L3MBTL4: variants seen among roughly 807,000 people sequenced by gnomAD.
L3MBTL4 encodes the protein L3MBTL histone methyl-lysine binding protein 4.
In L3MBTL4, 70 loss-of-function variants were observed where a neutral mutation model predicts 84.5. The observed-to-expected ratio is 0.83, with a 90% CI of 0.68 to 1.01. The LOEUF (loss-of-function observed/expected upper bound fraction) is 1.01, where lower values mean the gene tolerates loss of function less well. Among genes scored for constraint, L3MBTL4 ranks in the 50% least tolerant of loss-of-function variants. The pLI is 0.00. For synonymous variants in L3MBTL4, 274 were observed against 259.8 expected (o/e 1.05, Z -0.52); for missense variants, 715 against 754.8 (o/e 0.95, Z 0.62).
intron 14 of L3MBTL4, among the ~76,000 whole-genome samples, chr18:6,100,319 T>C (rs909182967): frequency 6.6e-6 from 1 of 152,238 alleles, no homozygotes; most frequent in Non-Finnish European, 1.5e-5. Context: ...ATTGTGGTTA[T>C]TGTATTTTTC....
chr18:6,025,731 G>C (rs1282067663), intron 16 of L3MBTL4, among the ~76,000 whole-genome samples: 1 of 152,168 alleles, frequency 6.6e-6, no homozygotes, highest in Non-Finnish European at 1.5e-5. Flanking sequence ...AGGCATTAGA[G>C]TCCCATATGG....
chr18:5,968,360 C>T (rs769427333), intron 17 of L3MBTL4, among the ~76,000 whole-genome samples: 1 of 152,138 alleles, frequency 6.6e-6, no homozygotes, highest in Non-Finnish European at 1.5e-5. Context: ...AGCATTTCTA[C>T]AGCATTATTG....
Position 6,063,330 on chromosome 18 carries a change from T to A in L3MBTL4, c.1444+17551A>T, listed in dbSNP as rs187023571. ...GTGTGTGTGTGTGTGTGTGTGTGTG[T>A]GTGTGTGTATCTTTTTAATATAATG... On this transcript the variant is annotated intron_variant, in intron 16 of 18. Transcript: ENST00000317931. Among the ~76,000 whole-genome samples, 57 of 151,640 alleles carry A rather than the reference T, an allele frequency of 3.8e-4. 1 individual carries two copies. In the East Asian group the frequency reaches 0.01, roughly 27 times the overall value.
intron 13 of L3MBTL4, among the ~76,000 whole-genome samples, chr18:6,169,597 C>T (rs1049068940): frequency 3.6e-4 from 52 of 146,430 alleles, no homozygotes; most frequent in Non-Finnish European, 7.4e-4. Flanking sequence ...CCAAACACCG[C>T]ATGTTCTCAC....
chr18:6,150,424 TACACACAC>T (rs111558666), intron 13 of L3MBTL4, among the ~76,000 whole-genome samples: 3 of 149,316 alleles, frequency 2.0e-5, no homozygotes, highest in Non-Finnish European at 4.5e-5. Flanking sequence ...TGTTTGAGAA[TACACACAC>T]ACACACACAC....
intron 1 of L3MBTL4, among the ~76,000 whole-genome samples, chr18:6,376,899 C>A (rs2054392125): frequency 6.6e-6 from 1 of 152,168 alleles, no homozygotes; most frequent in Admixed American, 6.5e-5. Context: ...TTTGTCCTCT[C>A]CTGCCCTCAC....
At chr18:6,120,808 C>T (rs1344582879) in intron 14 of L3MBTL4, among the ~76,000 whole-genome samples, 7 of 152,194 alleles carry the variant, frequency 4.6e-5, no homozygotes, top group Non-Finnish European at 8.8e-5. Flanking sequence ...TAGAGCCACT[C>T]ATTCTCAATG....
At chr18:6,235,293 A>G (rs1426847202) in intron 10 of L3MBTL4, among the ~76,000 whole-genome samples, 2 of 152,214 alleles carry the variant, frequency 1.3e-5, no homozygotes, top group Non-Finnish European at 2.9e-5. Context: ...CATTGTGCAC[A>G]TGTACCCTAG....
At chr18:6,031,166 C>T in intron 16 of L3MBTL4, 2 of 985,414 alleles carry the variant, frequency 2.0e-6, no homozygotes, top group Non-Finnish European at 2.4e-6. Flanking sequence ...ATTTATGCTC[C>T]TCTCCCTCCT....
At chr18:6,053,033 T>C (rs1230676406) in intron 16 of L3MBTL4, among the ~76,000 whole-genome samples, 8 of 152,330 alleles carry the variant, frequency 5.3e-5, no homozygotes, top group East Asian at 1.9e-4. Context: ...TAAACAAACG[T>C]TGATTATCAA....
At chr18:6,360,768 C>T (rs1299695822) in intron 1 of L3MBTL4, among the ~76,000 whole-genome samples, 2 of 151,824 alleles carry the variant, frequency 1.3e-5, no homozygotes, top group African/African-American at 2.4e-5. Flanking sequence ...GGCAAATGAA[C>T]TGCTTGAGGC....
At chr18:6,093,680 T>C (rs1183623309) in intron 14 of L3MBTL4, 152 bp from the exon 15 acceptor site, 1 of 604,762 alleles carries the variant, frequency 1.7e-6, no homozygotes, top group Non-Finnish European at 2.5e-6. Flanking sequence ...TTTCTTTTCA[T>C]ATTGCCTTTT....
chr18:5,969,307 CA>C (rs1315319749), intron 17 of L3MBTL4, 85 bp downstream of exon 17: 1 of 1,456,392 alleles, frequency 6.9e-7, no homozygotes, highest in African/African-American at 1.4e-5. Flanking sequence ...CTGTCCCAGA[CA>C]TCAAAGAATG....
chr18:6,318,843 C>T (rs540092637), intron 1 of L3MBTL4, among the ~76,000 whole-genome samples: 1 of 152,188 alleles, frequency 6.6e-6, no homozygotes, highest in East Asian at 1.9e-4. Flanking sequence ...TTCTCATCAG[C>T]ATATGGAGCA....
intron 16 of L3MBTL4, among the ~76,000 whole-genome samples, chr18:5,982,546 T>G (rs933486233): frequency 1.3e-5 from 2 of 152,200 alleles, no homozygotes; most frequent in African/African-American, 4.8e-5. Flanking sequence ...CTCAGAAGCC[T>G]GGGTTTCATA....
chr18:6,150,860 T>C (rs1227022574), intron 13 of L3MBTL4, among the ~76,000 whole-genome samples: 1 of 151,816 alleles, frequency 6.6e-6, no homozygotes, highest in African/African-American at 2.4e-5. Context: ...ACCTTGGGTA[T>C]AAAGGCACTC....
intron 16 of L3MBTL4, among the ~76,000 whole-genome samples, chr18:6,036,614 C>T (rs1308877549): frequency 2.0e-5 from 3 of 152,134 alleles, no homozygotes; most frequent in African/African-American, 7.2e-5. Flanking sequence ...TTTTCAGGCA[C>T]ATTTTCTTAT....
chr18:5,993,121 C>G (rs7228572), intron 16 of L3MBTL4, among the ~76,000 whole-genome samples: 9,151 of 152,286 alleles, frequency 0.06, 328 homozygotes, highest in Middle Eastern at 0.11. Flanking sequence ...GTGGCCTGTT[C>G]TCTTTCCAGC....
intron 4 of L3MBTL4, among the ~76,000 whole-genome samples, chr18:6,295,162 C>T (rs1482781126): frequency 6.6e-6 from 1 of 151,796 alleles, no homozygotes; most frequent in Non-Finnish European, 1.5e-5. Context: ...ATCCTAGCTA[C>T]TTGGGAGGCT....
Sources: gnomAD v4.1 joint callset for allele counts (sites outside exome capture counted in the v4.1 genomes callset) on GRCh38, gnomAD v4.1.1 for gene constraint, MANE v1.5 for transcripts, NCBI Gene and HGNC (gene_info 2026-07-23, HGNC 2026-07-21) for gene names.